The following RASSF3 variants were observed in gnomAD, a reference collection of about 807,000 sequenced individuals.
The protein encoded by RASSF3 is ras association domain-containing protein 3.
In RASSF3, 19 loss-of-function variants were observed where a neutral mutation model predicts 19.9. That is an observed-to-expected ratio of 0.96 (90% CI 0.67 to 1.40). The LOEUF is 1.40. Among genes scored for constraint, RASSF3 ranks in the 40% most tolerant of loss-of-function variants. RASSF3 has a pLI of 0.00. For missense variants in RASSF3, 306 were observed against 289.8 expected, an observed-to-expected ratio of 1.06 and a Z score of -0.41; for synonymous variants, 110 against 104.2, an observed-to-expected ratio of 1.06 and a Z score of -0.34.
At chr12:64,519,638 A>G (rs563076392) in intron 1 of RASSF3, among the ~76,000 whole-genome samples, 2 of 152,270 alleles carry the variant, frequency 1.3e-5, no homozygotes, top group East Asian at 3.9e-4. Context: ...GTGAATATAT[A>G]TATATACATA....
At chr12:64,621,067 C>G (rs922073015) in intron 1 of RASSF3, among the ~76,000 whole-genome samples, 1 of 151,964 alleles carries the variant, frequency 6.6e-6, no homozygotes, top group Non-Finnish European at 1.5e-5. Context: ...TCCCAAGTAG[C>G]TGGGATTACA....
chr12:64,583,721 A>T (rs1468055499), intron 2 of RASSF3, among the ~76,000 whole-genome samples: 1 of 151,762 alleles, frequency 6.6e-6, no homozygotes, highest in Non-Finnish European at 1.5e-5. Flanking sequence ...TTTCCATCCA[A>T]CTCCTCCACC....
At chr12:64,677,249 T>C (rs998860074) in intron 1 of RASSF3, among the ~76,000 whole-genome samples, 3 of 152,236 alleles carry the variant, frequency 2.0e-5, no homozygotes, top group African/African-American at 7.2e-5. Flanking sequence ...TGCTCCTGGC[T>C]GCTCTGATGG....
At chr12:64,691,939 C>G (rs1046709907) in intron 4 of RASSF3, among the ~76,000 whole-genome samples, 2 of 152,160 alleles carry the variant, frequency 1.3e-5, no homozygotes, top group Admixed American at 6.5e-5. Context: ...TTGACACTCA[C>G]CATGTGTTTG....
intron 1 of RASSF3, among the ~76,000 whole-genome samples, chr12:64,525,476 C>T (rs1868564537): frequency 6.6e-6 from 1 of 152,082 alleles, no homozygotes; most frequent in Admixed American, 6.6e-5. Context: ...TGTTTTCCCC[C>T]CATCTCCTTT....
At chr12:64,606,563 T>C (rs1297264167), upstream of RASSF3, among the ~76,000 whole-genome samples, 1 of 152,174 alleles carries the variant, frequency 6.6e-6, no homozygotes, top group Non-Finnish European at 1.5e-5. Flanking sequence ...AAAGGTCACA[T>C]AAGAGTCAGT....
intron 2 of RASSF3, among the ~76,000 whole-genome samples, chr12:64,571,461 T>A (rs991659248): frequency 3.3e-5 from 5 of 152,180 alleles, no homozygotes; most frequent in African/African-American, 4.8e-5. Flanking sequence ...TGTTATGACC[T>A]GGCAGCAAAG....
chr12:64,519,928 G>A (rs60250018), intron 1 of RASSF3, among the ~76,000 whole-genome samples: 4,604 of 152,014 alleles, frequency 0.03, 208 homozygotes, highest in African/African-American at 0.1. Flanking sequence ...AAACTCCCTA[G>A]GTCCATAATC....
chr12:64,592,003 G>A (rs550877535), intron 2 of RASSF3, among the ~76,000 whole-genome samples: 1 of 151,426 alleles, frequency 6.6e-6, no homozygotes, highest in South Asian at 2.1e-4. Flanking sequence ...CCAGACCCAC[G>A]AGATCCTCCC....
upstream of RASSF3, among the ~76,000 whole-genome samples, chr12:64,531,730 C>A (rs1378955131): frequency 6.6e-6 from 1 of 152,204 alleles, no homozygotes; most frequent in Non-Finnish European, 1.5e-5. Context: ...TGTGTAAACA[C>A]CCATTTCAGA....
rs186771799 is a variant in RASSF3, at chr12:64,534,717, G to A, written c.67+1383G>A. Among the ~76,000 whole-genome samples, 155 of 152,230 alleles carry A rather than the reference G, an allele frequency of 1.0e-3. 1 individual carries two copies. Among genetic ancestry groups the A allele is most frequent in the Non-Finnish European group, 5.4e-4 (37 of 68,016 alleles). Reference sequence around the variant, plus strand: ...AGAGAGAGACAATGGTATTTTTAGGGTGGGAAGGGGTGGAATGGACTTGGA... The same window carrying A: ...AGAGAGAGACAATGGTATTTTTAGGATGGGAAGGGGTGGAATGGACTTGGA... On this transcript the variant is annotated intron_variant, in intron 1 of 1. Transcript: ENST00000636333.
intron 1 of RASSF3, among the ~76,000 whole-genome samples, chr12:64,512,053 G>C (rs1429837457): frequency 6.6e-6 from 1 of 152,150 alleles, no homozygotes; most frequent in East Asian, 1.9e-4. Context: ...GAGAAAGGAG[G>C]GGGGCTGCTT....
chr12:64,548,331 C>T (rs561247767), intron 2 of RASSF3, among the ~76,000 whole-genome samples: 1 of 141,980 alleles, frequency 7.0e-6, no homozygotes, highest in East Asian at 2.4e-4. Flanking sequence ...CACCATCATG[C>T]CCAGCTAGTT....
chr12:64,582,037 T>G (rs183162909), intron 2 of RASSF3, among the ~76,000 whole-genome samples: 26 of 152,110 alleles, frequency 1.7e-4, no homozygotes, highest in Admixed American at 8.5e-4. Context: ...CTCGGCCAAT[T>G]TTTTAGAGAG....
intron 1 of RASSF3, among the ~76,000 whole-genome samples, chr12:64,535,324 A>G (rs922025994): frequency 1.3e-5 from 2 of 151,872 alleles, no homozygotes; most frequent in African/African-American, 4.8e-5. Context: ...TCTAAAAAAA[A>G]AAACAAAATA....
intron 2 of RASSF3, among the ~76,000 whole-genome samples, chr12:64,561,605 C>A (rs1007089400): frequency 6.6e-6 from 1 of 152,038 alleles, no homozygotes; most frequent in African/African-American, 2.4e-5. Flanking sequence ...AACAAGACCC[C>A]TGTATAATGC....
chr12:64,512,716 C>T (rs1428561080), intron 1 of RASSF3, among the ~76,000 whole-genome samples: 1 of 152,112 alleles, frequency 6.6e-6, no homozygotes, highest in African/African-American at 2.4e-5. Flanking sequence ...AGAGGGGTCT[C>T]CTACATTAAA....
chr12:64,551,664 T>C (rs1869166209), intron 2 of RASSF3, among the ~76,000 whole-genome samples: 1 of 152,180 alleles, frequency 6.6e-6, no homozygotes, highest in South Asian at 2.1e-4. Flanking sequence ...GAAAAGTACT[T>C]AGCCTGGTGT....
At chr12:64,659,982 G>GTGTA in intron 1 of RASSF3, among the ~76,000 whole-genome samples, 1 of 142,112 alleles carries the variant, frequency 7.0e-6, no homozygotes. Flanking sequence ...GTGTGTGTGT[G>GTGTA]TATGTATGTG....
Sources: gnomAD v4.1 joint callset for allele counts (sites outside exome capture counted in the v4.1 genomes callset) on GRCh38, gnomAD v4.1.1 for gene constraint, MANE v1.5 for transcripts, NCBI Gene and HGNC (gene_info 2026-07-23, HGNC 2026-07-21) for gene names.